The following PARM1 variants were observed in gnomAD, a reference collection of about 807,000 sequenced individuals.
PARM1 encodes the protein prostate androgen-regulated mucin-like protein 1.
Under a neutral mutation model 24.6 loss-of-function variants are expected in PARM1, and 14 were observed. The observed-to-expected ratio is 0.57, with a 90% CI of 0.38 to 0.89. The LOEUF (loss-of-function observed/expected upper bound fraction) is 0.89. Among genes scored for constraint, PARM1 ranks in the 40% least tolerant of loss-of-function variants. PARM1 has a pLI of 0.00. For synonymous variants in PARM1, 179 were observed against 156.6 expected (o/e 1.14, Z -1.07); for missense variants, 362 against 380.4 (o/e 0.95, Z 0.40).
In PARM1 at chr4:75,013,422, G is replaced by A. The variant is rs192096990; in HGVS notation, c.769+272G>A. On this transcript the variant is annotated intron_variant, in intron 2 of 3. Coordinates refer to ENST00000307428, the MANE Select transcript of PARM1 (RefSeq NM_015393.4). ...AAGCACATGAGACCAGATAGCAAAG[G>A]GATTAACAGCATGGCTTTGGCCAAG... Among the ~76,000 whole-genome samples the A allele has an allele frequency of 3.5e-4, 53 of 152,304 alleles. 1 individual carries two copies. Among genetic ancestry groups the A allele is most frequent in the African/African-American group, 1.2e-3 (49 of 41,578 alleles).
intron 1 of PARM1, among the ~76,000 whole-genome samples, chr4:74,985,825 A>G (rs1275454387): frequency 2.0e-5 from 3 of 152,046 alleles, no homozygotes; most frequent in South Asian, 2.1e-4. Context: ...CTGGAGTGCA[A>G]TGGCATGGTC....
At chr4:75,009,085 T>G (rs1722823526) in intron 1 of PARM1, among the ~76,000 whole-genome samples, 1 of 152,198 alleles carries the variant, frequency 6.6e-6, no homozygotes, top group South Asian at 2.1e-4. Flanking sequence ...CTGTATTCAT[T>G]CTAAAACTGT....
At chr4:75,037,098 G>C (rs991561589) in intron 3 of PARM1, among the ~76,000 whole-genome samples, 2 of 152,106 alleles carry the variant, frequency 1.3e-5, no homozygotes, top group Non-Finnish European at 2.9e-5. Context: ...CCCATTAATC[G>C]TTCATCAAAA....
chr4:75,027,160 C>G (rs2109805031), intron 2 of PARM1, among the ~76,000 whole-genome samples: 1 of 152,282 alleles, frequency 6.6e-6, no homozygotes, highest in East Asian at 1.9e-4. Context: ...GCACTACTCA[C>G]CTCTCTTACC....
Position 75,038,319 on chromosome 4 carries a change from T to G in PARM1, c.848+4358T>G, listed in dbSNP as rs145774691. Among the ~76,000 whole-genome samples, 148 of 152,360 alleles carry G rather than the reference T, an allele frequency of 9.7e-4. 2 individuals carry two copies. The highest frequency in any genetic ancestry group is 3.4e-3 in the African/African-American group (141 of 41,588). Reference sequence around the variant, plus strand: ...GATTGTTACAAAGATTAAATTATGATACATATAAAGGTTCAGTGCCTGGTA... The same window carrying G: ...GATTGTTACAAAGATTAAATTATGAGACATATAAAGGTTCAGTGCCTGGTA... On this transcript the variant is annotated intron_variant, in intron 3 of 3. Coordinates refer to ENST00000307428, the MANE Select transcript of PARM1 (RefSeq NM_015393.4).
At chr4:74,984,990 G>A (rs1000867279) in intron 1 of PARM1, among the ~76,000 whole-genome samples, 4 of 152,192 alleles carry the variant, frequency 2.6e-5, no homozygotes, top group African/African-American at 9.7e-5. Flanking sequence ...AAGGACATGA[G>A]TAAGCAATCA....
intron 1 of PARM1, among the ~76,000 whole-genome samples, chr4:74,940,162 C>G (rs1315304096): frequency 6.6e-6 from 1 of 152,064 alleles, no homozygotes; most frequent in Non-Finnish European, 1.5e-5. Context: ...TACATGTTAC[C>G]TTTTATGTTG....
At chr4:74,999,666 T>C (rs1578045194) in intron 1 of PARM1, among the ~76,000 whole-genome samples, 1 of 152,338 alleles carries the variant, frequency 6.6e-6, no homozygotes, top group East Asian at 1.9e-4. Flanking sequence ...CTAAAAGATA[T>C]TTAAGAAGTA....
intron 1 of PARM1, among the ~76,000 whole-genome samples, chr4:74,971,044 A>C (rs564975638): frequency 2.0e-5 from 3 of 152,320 alleles, no homozygotes. Flanking sequence ...TTTGGAGGCA[A>C]GTTGCTTACT....
chr4:74,962,904 ACAT>A (rs1249708178), intron 1 of PARM1, among the ~76,000 whole-genome samples: 4 of 152,222 alleles, frequency 2.6e-5, no homozygotes, highest in Non-Finnish European at 5.9e-5. Context: ...AACAGTTAAC[ACAT>A]CTTAAATTGT....
At chr4:75,002,388 G>A (rs1357524159) in intron 1 of PARM1, among the ~76,000 whole-genome samples, 1 of 152,114 alleles carries the variant, frequency 6.6e-6, no homozygotes, top group Non-Finnish European at 1.5e-5. Context: ...CCTCGACTAG[G>A]CAACAGATGT....
At chr4:74,996,554 C>A (rs113306149) in intron 1 of PARM1, among the ~76,000 whole-genome samples, 2 of 152,062 alleles carry the variant, frequency 1.3e-5, no homozygotes, top group Non-Finnish European at 2.9e-5. Flanking sequence ...AAAATGTCAT[C>A]CAAGAAGAAA....
At chr4:74,983,413 T>G (rs1168481545) in intron 1 of PARM1, among the ~76,000 whole-genome samples, 1 of 152,198 alleles carries the variant, frequency 6.6e-6, no homozygotes, top group Non-Finnish European at 1.5e-5. Context: ...TGACTCAAGG[T>G]CATTGTCACA....
At chr4:74,987,246 G>A (rs1268255887) in intron 1 of PARM1, among the ~76,000 whole-genome samples, 1 of 152,150 alleles carries the variant, frequency 6.6e-6, no homozygotes, top group Non-Finnish European at 1.5e-5. Context: ...GTCCGGCACT[G>A]GTAAGGTTCT....
intron 1 of PARM1, among the ~76,000 whole-genome samples, chr4:74,999,512 A>G (rs1339184068): frequency 1.3e-5 from 2 of 152,190 alleles, no homozygotes; most frequent in Non-Finnish European, 2.9e-5. Flanking sequence ...CAGTCAATGG[A>G]AAGGTTGTAT....
At chr4:75,012,033 C>T (rs1388476402) in intron 1 of PARM1, among the ~76,000 whole-genome samples, 1 of 152,196 alleles carries the variant, frequency 6.6e-6, no homozygotes, top group Non-Finnish European at 1.5e-5. Context: ...TGTCCACACT[C>T]CCATCGTTCC....
At chr4:74,994,870 C>T (rs955915217) in intron 1 of PARM1, among the ~76,000 whole-genome samples, 1 of 151,688 alleles carries the variant, frequency 6.6e-6, no homozygotes, top group African/African-American at 2.4e-5. Flanking sequence ...ATTGTCACTA[C>T]AATAAGCTTA....
At chr4:75,012,081 C>T (rs546673022) in intron 1 of PARM1, among the ~76,000 whole-genome samples, 10 of 152,156 alleles carry the variant, frequency 6.6e-5, no homozygotes, top group Non-Finnish European at 1.5e-4. Context: ...GCAGTCCAGA[C>T]AAGTTCCCAT....
chr4:74,972,519 A>C (rs548433655), intron 1 of PARM1, among the ~76,000 whole-genome samples: 29 of 152,308 alleles, frequency 1.9e-4, no homozygotes, highest in African/African-American at 6.5e-4. Context: ...CTGCAGATGG[A>C]TCTGAATGTT....
Sources: gnomAD v4.1 joint callset for allele counts (sites outside exome capture counted in the v4.1 genomes callset) on GRCh38, gnomAD v4.1.1 for gene constraint, MANE v1.5 for transcripts, NCBI Gene and HGNC (gene_info 2026-07-23, HGNC 2026-07-21) for gene names.